Variants in KATNAL1 observed in about 807,000 individuals in gnomAD.
The protein encoded by KATNAL1 is katanin catalytic subunit A1 like 1.
In KATNAL1, 32 loss-of-function variants were observed where a neutral mutation model predicts 55.2. That is an observed-to-expected ratio of 0.58 (90% confidence interval 0.44 to 0.78). The LOEUF is 0.78. Ranked by LOEUF, KATNAL1 falls within the 30% of genes least tolerant of loss-of-function variation. The pLI, the probability that KATNAL1 is intolerant of heterozygous loss-of-function variation, is 0.00. For missense variants in KATNAL1, 466 were observed against 600.9 expected, an observed-to-expected ratio of 0.78 and a Z score of 2.35; for synonymous variants, 193 against 193.6, an observed-to-expected ratio of 1.00 and a Z score of 0.02.
At chr13:30,302,234 T>C (rs1018538158) in intron 1 of KATNAL1, among the ~76,000 whole-genome samples, 7 of 152,214 alleles carry the variant, frequency 4.6e-5, no homozygotes, top group Admixed American at 2.0e-4. Flanking sequence ...CCATTCATCA[T>C]TCAATCTAAA....
Position 30,241,099 on chromosome 13 carries a change from AT to A in KATNAL1, c.493-14del. 6.2e-7 allele frequency: 1 copy of A among 1,609,668 alleles called. No homozygotes were observed. Among genetic ancestry groups the A allele is most frequent in the Non-Finnish European group, 8.5e-7 (1 of 1,178,776 alleles). On this transcript the variant is annotated splice_polypyrimidine_tract_variant and intron_variant, in intron 4 of 10. Coordinates refer to ENST00000380615, the MANE Select transcript of KATNAL1 (RefSeq NM_032116.5). ...TATTCTTCCTTCCCTGGGGATAGGT[AT>A]AAAAAAAAAGTACTAGTCAGTAATG...
chr13:30,245,960 G>A (rs774872933), intron 4 of KATNAL1, among the ~76,000 whole-genome samples: 6 of 152,104 alleles, frequency 3.9e-5, no homozygotes, highest in Non-Finnish European at 8.8e-5. Flanking sequence ...TCGTGAAAAT[G>A]GCCATACTGC....
chr13:30,270,938 AAAG>A (rs1186618987), intron 3 of KATNAL1, among the ~76,000 whole-genome samples: 1 of 152,154 alleles, frequency 6.6e-6, no homozygotes, highest in Non-Finnish European at 1.5e-5. Context: ...AAAAAAAAAA[AAAG>A]AAAAATAAAG....
At chr13:30,239,106 A>G (rs767525139) in intron 6 of KATNAL1, among the ~76,000 whole-genome samples, 1 of 152,068 alleles carries the variant, frequency 6.6e-6, no homozygotes, top group African/African-American at 2.4e-5. Context: ...ATTTTCATGT[A>G]TTCTTTAAAA....
At chr13:30,274,213 G>A (rs79501535) in intron 3 of KATNAL1, among the ~76,000 whole-genome samples, 1 of 152,188 alleles carries the variant, frequency 6.6e-6, no homozygotes, top group Non-Finnish European at 1.5e-5. Context: ...AAATAACTGA[G>A]CCAGAGCCTG....
intron 3 of KATNAL1, among the ~76,000 whole-genome samples, chr13:30,268,504 G>GA (rs1157319228): frequency 6.6e-6 from 1 of 151,972 alleles, no homozygotes; most frequent in Non-Finnish European, 1.5e-5. Context: ...CACAAAGACA[G>GA]AAAAAACCTT....
At chr13:30,261,200 A>G (rs1879257581) in intron 3 of KATNAL1, among the ~76,000 whole-genome samples, 1 of 152,150 alleles carries the variant, frequency 6.6e-6, no homozygotes, top group Non-Finnish European at 1.5e-5. Context: ...GCCTGCCCTA[A>G]AAGAGCTCCT....
chr13:30,278,864 C>T (rs78540629), intron 3 of KATNAL1, among the ~76,000 whole-genome samples: 3,560 of 152,136 alleles, frequency 0.023, 132 homozygotes, highest in African/African-American at 0.08. Flanking sequence ...ATATGGGTTA[C>T]CCTAGTATAA....
intron 3 of KATNAL1, 49 bp from the exon 4 acceptor site, chr13:30,255,664 A>G (rs1878722278): frequency 1.5e-6 from 2 of 1,340,492 alleles, no homozygotes; most frequent in African/African-American, 3.1e-5. Flanking sequence ...AAAATTAATC[A>G]AAGGCAAAAG....
At chr13:30,214,736 C>G (rs1043681299) in intron 9 of KATNAL1, among the ~76,000 whole-genome samples, 25 of 151,924 alleles carry the variant, frequency 1.6e-4, no homozygotes, top group African/African-American at 5.1e-4. Context: ...AAAGCTGAAA[C>G]TGGATCCCTT....
intron 9 of KATNAL1, among the ~76,000 whole-genome samples, chr13:30,224,625 A>C (rs1875255615): frequency 6.6e-6 from 1 of 152,172 alleles, no homozygotes; most frequent in Non-Finnish European, 1.5e-5. Context: ...TCAAAGTGTA[A>C]AGCAAAAAAA....
rs1268784235 is a variant in KATNAL1, at chr13:30,204,030, C to G, written c.*4510G>C. 1 of 151,994 alleles carries G rather than the reference C, an allele frequency of 6.6e-6. No individual in the cohort carries two copies. The highest frequency in any genetic ancestry group is 1.5e-5 in the Non-Finnish European group (1 of 67,992). The allele number at this position is 151,994 out of a possible 1,614,324, so 9.4% of individuals were successfully genotyped here. A position where few individuals can be genotyped will look rare whatever the true frequency, so the allele number is the denominator to read the frequency against. ...CATTCGAGGCTTAAATATTTTTACC[C>G]CCCTAACATGTCCCCTAAGTATAAT... On this transcript the variant is annotated 3_prime_UTR_variant, in exon 11 of 11. Transcript: ENST00000380615.
At chr13:30,209,449 G>A (rs896304865) in intron 10 of KATNAL1, among the ~76,000 whole-genome samples, 3 of 152,166 alleles carry the variant, frequency 2.0e-5, no homozygotes, top group African/African-American at 7.2e-5. Flanking sequence ...GATGCACATG[G>A]GAAAAATGCG....
At chr13:30,271,789 T>G (rs1880381820) in intron 3 of KATNAL1, among the ~76,000 whole-genome samples, 1 of 151,264 alleles carries the variant, frequency 6.6e-6, no homozygotes, top group African/African-American at 2.4e-5. Context: ...TCTACTGCTC[T>G]TTGGCTCCAT....
chr13:30,283,591 A>T (rs1162816831), intron 2 of KATNAL1, 25 bp downstream of exon 2: 1 of 1,610,190 alleles, frequency 6.2e-7, no homozygotes, highest in Admixed American at 1.7e-5. Flanking sequence ...ATCCTAACTC[A>T]TCTAATACTT....
At chr13:30,228,951 C>A (rs753925445) in intron 8 of KATNAL1, among the ~76,000 whole-genome samples, 2 of 152,124 alleles carry the variant, frequency 1.3e-5, no homozygotes, top group Non-Finnish European at 2.9e-5. Flanking sequence ...TAAAGTCTTG[C>A]TATGTTAACC....
Position 30,208,017 on chromosome 13 carries a change from T to G in KATNAL1, c.*523A>C, listed in dbSNP as rs1446753389. ...AGCGGAAGTAAAAATTCTAACCATA[T>G]GACAGACTCTAACAGTAAGTCATAA... On this transcript the variant is annotated 3_prime_UTR_variant, in exon 11 of 11. Coordinates refer to ENST00000380615, the MANE Select transcript of KATNAL1 (RefSeq NM_032116.5). The G allele has an allele frequency of 6.6e-6, 1 of 152,240 alleles. No homozygotes were observed. The highest frequency in any genetic ancestry group is 1.9e-4 in the East Asian group (1 of 5,196). 9.4% of individuals were successfully genotyped at this position (152,240 alleles called of 1,614,324 possible).
intron 2 of KATNAL1, among the ~76,000 whole-genome samples, chr13:30,282,894 A>G (rs1452377312): frequency 4.2e-4 from 62 of 147,526 alleles, no homozygotes; most frequent in South Asian, 6.6e-4. Flanking sequence ...GGTGGAGCTT[A>G]CAGTGAGCCG....
chr13:30,213,609 C>T (rs1010158371), intron 9 of KATNAL1, among the ~76,000 whole-genome samples: 1 of 152,220 alleles, frequency 6.6e-6, no homozygotes, highest in Non-Finnish European at 1.5e-5. Context: ...GGATGCAAGG[C>T]TGGTTCAACA....
Sources: gnomAD v4.1 joint callset for allele counts (sites outside exome capture counted in the v4.1 genomes callset) on GRCh38, gnomAD v4.1.1 for gene constraint, MANE v1.5 for transcripts, NCBI Gene and HGNC (gene_info 2026-07-23, HGNC 2026-07-21) for gene names.